Variants in TEAD1 observed in about 807,000 individuals in gnomAD.
TEAD1 encodes transcriptional enhancer factor TEF-1.
A neutral mutation model predicts 54.9 loss-of-function variants in TEAD1; 9 were observed. That is an observed-to-expected ratio of 0.16 (90% confidence interval 0.10 to 0.29). The LOEUF (loss-of-function observed/expected upper bound fraction) is 0.29. TEAD1 is among the 10% of genes least tolerant of loss of function. The pLI, the probability that TEAD1 is intolerant of heterozygous loss-of-function variation, is 1.00. For synonymous variants in TEAD1, 200 were observed against 187.8 expected, an observed-to-expected ratio of 1.07 and a Z score of -0.53; for missense variants, 387 against 535.9, an observed-to-expected ratio of 0.72 and a Z score of 2.74.
intron 12 of TEAD1, among the ~76,000 whole-genome samples, chr11:12,930,725 A>G (rs1948997808): frequency 6.6e-6 from 1 of 152,060 alleles, no homozygotes; most frequent in Admixed American, 6.6e-5. Flanking sequence ...TCCGCAGGTA[A>G]TTTCAACATT....
At chr11:12,871,755 G>A (rs1389535194) in intron 5 of TEAD1, among the ~76,000 whole-genome samples, 1 of 152,154 alleles carries the variant, frequency 6.6e-6, no homozygotes, top group East Asian at 1.9e-4. Context: ...TCTCGAGTGT[G>A]TTTAGGTGAG....
intron 2 of TEAD1, among the ~76,000 whole-genome samples, chr11:12,707,366 T>G (rs147576608): frequency 2.0e-5 from 3 of 152,258 alleles, no homozygotes; most frequent in African/African-American, 7.2e-5. Context: ...AAGGACATGA[T>G]AGAGCTATCT....
chr11:12,737,990 A>G (rs562672605), intron 2 of TEAD1, among the ~76,000 whole-genome samples: 1 of 152,272 alleles, frequency 6.6e-6, no homozygotes, highest in African/African-American at 2.4e-5. Flanking sequence ...GAGCCAAGCA[A>G]AAGGGGAAAC....
At chr11:12,926,922 T>C (rs1363898350) in intron 11 of TEAD1, among the ~76,000 whole-genome samples, 2 of 152,140 alleles carry the variant, frequency 1.3e-5, no homozygotes, top group African/African-American at 4.8e-5. Context: ...CTGTGTGTGA[T>C]TGGGAGTGTG....
chr11:12,865,189 A>G (rs911534298), intron 5 of TEAD1: 15 of 456,344 alleles, frequency 3.3e-5, no homozygotes, highest in African/African-American at 2.8e-4. Context: ...ACTTTTCAGC[A>G]CAGAAACATG....
At chr11:12,694,074 C>A (rs929630371) in intron 2 of TEAD1, among the ~76,000 whole-genome samples, 1 of 152,182 alleles carries the variant, frequency 6.6e-6, no homozygotes, top group African/African-American at 2.4e-5. Context: ...CTCTGCTGTG[C>A]GGCCCGGCAC....
chr11:12,776,120 C>G (rs1368885732), intron 3 of TEAD1, among the ~76,000 whole-genome samples: 1 of 151,836 alleles, frequency 6.6e-6, no homozygotes, highest in African/African-American at 2.4e-5. Context: ...AGTGCTAGGG[C>G]GGGGGAGGAG....
chr11:12,729,758 C>G (rs960273510), intron 2 of TEAD1, among the ~76,000 whole-genome samples: 14 of 152,144 alleles, frequency 9.2e-5, no homozygotes, highest in African/African-American at 3.1e-4. Flanking sequence ...GATCTCTAAG[C>G]CTCCCTGATG....
intron 2 of TEAD1, among the ~76,000 whole-genome samples, chr11:12,731,905 T>C (rs1944432452): frequency 6.6e-6 from 1 of 152,196 alleles, no homozygotes; most frequent in Non-Finnish European, 1.5e-5. Context: ...CTCTACAGTC[T>C]CTGGGATCCA....
At position 12,880,978 on chromosome 11, in the gene TEAD1, C is replaced by T. The variant is rs774829429; in HGVS notation, c.466-27C>T. On this transcript the variant is annotated intron_variant, in intron 6 of 12. Coordinates refer to ENST00000527636, the MANE Select transcript of TEAD1 (RefSeq NM_021961.6). The stretch of plus-strand genomic sequence containing the variant: ...TGTGCTTTGAAGTAAACTCGTAATT[C>T]TGAGGCCTTTGCATTTTGCCTTCCA... The T allele has an allele frequency of 6.8e-6, 11 of 1,613,924 alleles. No individual in the cohort carries two copies. The South Asian group carries it at 1.1e-4, about 16-fold the overall frequency.
intron 3 of TEAD1, among the ~76,000 whole-genome samples, chr11:12,821,222 C>T (rs1946538570): frequency 6.6e-6 from 1 of 152,134 alleles, no homozygotes; most frequent in South Asian, 2.1e-4. Flanking sequence ...CTGAGATGCT[C>T]CTTTAGTAGC....
chr11:12,774,381 G>A (rs899336687), intron 3 of TEAD1, among the ~76,000 whole-genome samples: 3 of 152,168 alleles, frequency 2.0e-5, no homozygotes, highest in African/African-American at 4.8e-5. Flanking sequence ...AGAAGGTACC[G>A]AAGTAAACCA....
intron 3 of TEAD1, among the ~76,000 whole-genome samples, chr11:12,833,734 G>C (rs1946828136): frequency 1.3e-5 from 2 of 152,016 alleles, no homozygotes; most frequent in Admixed American, 1.3e-4. Flanking sequence ...TGGTCACACA[G>C]AATTAATATT....
intron 2 of TEAD1, among the ~76,000 whole-genome samples, chr11:12,677,445 ATATT>A (rs1183033897): frequency 6.6e-6 from 1 of 152,172 alleles, no homozygotes; most frequent in Non-Finnish European, 1.5e-5. Flanking sequence ...CAGGAATTAT[ATATT>A]AGTATACTCA....
chr11:12,919,779 T>G (rs1271843491), intron 10 of TEAD1, among the ~76,000 whole-genome samples: 1 of 152,198 alleles, frequency 6.6e-6, no homozygotes, highest in African/African-American at 2.4e-5. Context: ...GGATTATAGG[T>G]GTGAGCTGAA....
intron 9 of TEAD1, among the ~76,000 whole-genome samples, chr11:12,893,147 C>G (rs900906649): frequency 2.0e-5 from 3 of 152,182 alleles, no homozygotes; most frequent in Non-Finnish European, 4.4e-5. Context: ...AATAAGTGGT[C>G]GGAAAGTACA....
At chr11:12,736,037 A>G (rs1820101991) in intron 2 of TEAD1, among the ~76,000 whole-genome samples, 1 of 152,252 alleles carries the variant, frequency 6.6e-6, no homozygotes. Flanking sequence ...AGAGAAGTAA[A>G]TAAGCCTTCA....
At chr11:12,868,483 T>G (rs985715080) in intron 5 of TEAD1, among the ~76,000 whole-genome samples, 2 of 152,174 alleles carry the variant, frequency 1.3e-5, no homozygotes, top group Non-Finnish European at 2.9e-5. Context: ...GAGAGAGTGG[T>G]CATTTGATGT....
chr11:12,747,497 T>C (rs1944770746), intron 2 of TEAD1, among the ~76,000 whole-genome samples: 1 of 151,922 alleles, frequency 6.6e-6, no homozygotes, highest in Admixed American at 6.6e-5. Flanking sequence ...ACCACACCCA[T>C]CTAATTTTTT....
Sources: gnomAD v4.1 joint callset for allele counts (sites outside exome capture counted in the v4.1 genomes callset) on GRCh38, gnomAD v4.1.1 for gene constraint, MANE v1.5 for transcripts, NCBI Gene and HGNC (gene_info 2026-07-23, HGNC 2026-07-21) for gene names.